The following CLCN6 variants were observed in gnomAD, a reference collection of about 807,000 sequenced individuals.
The protein encoded by CLCN6 is Cl-/H+ antiporter 6, also known as H(+)/Cl(-) exchange transporter 6.
CLCN6 carries 70 observed loss-of-function variants against 109.8 expected under a neutral mutation model. That is an observed-to-expected ratio of 0.64 (90% CI 0.53 to 0.78). The LOEUF is 0.78. Among genes scored for constraint, CLCN6 ranks in the 30% least tolerant of loss-of-function variants. The pLI is 0.00. For synonymous variants in CLCN6, 444 were observed against 447.8 expected (o/e 0.99, Z 0.11); for missense variants, 984 against 1,142.3 (o/e 0.86, Z 2.00).
chr1:11,834,049 T>C lies in CLCN6; in HGVS notation c.1526+19T>C, dbSNP rs1269202650. 1.2e-6 allele frequency: 2 copies of C among 1,612,538 alleles called. No individual in the cohort carries two copies. The highest frequency in any genetic ancestry group is 2.2e-5 in the South Asian group (2 of 90,950). Reference sequence around the variant, plus strand: ...TAAAAAGGTACTCTGTGTGTGTGCGTGTGTGTGCGCATGTGCATGTGTGTG... The same window carrying C: ...TAAAAAGGTACTCTGTGTGTGTGCGCGTGTGTGCGCATGTGCATGTGTGTG... On this transcript the variant is annotated intron_variant, in intron 15 of 22. Coordinates refer to ENST00000346436, the MANE Select transcript of CLCN6 (RefSeq NM_001286.5). This position sits in a 1 kb window ranked among gnomAD's most constrained non-coding sequence, Gnocchi z 4.5.
intron 22 of CLCN6, 137 bp downstream of exon 22, chr1:11,838,797 A>C: frequency 1.5e-6 from 2 of 1,304,498 alleles, no homozygotes; most frequent in South Asian, 2.4e-5. Context: ...CTAGCTTTGA[A>C]CCCTGCTCGG....
chr1:11,808,199 T>C (rs1314481220), intron 2 of CLCN6, among the ~76,000 whole-genome samples: 2 of 150,542 alleles, frequency 1.3e-5, no homozygotes, highest in Admixed American at 6.8e-5. Flanking sequence ...TCTCATATTA[T>C]TATTTTTTAT....
Position 11,834,712 on chromosome 1 carries a change from C to A in CLCN6, c.1793+122C>A. 1.2e-6 allele frequency: 1 copy of A among 846,100 alleles called. No individual in the cohort carries two copies. Among genetic ancestry groups the A allele is most frequent in the Non-Finnish European group, 1.9e-6 (1 of 527,630 alleles). 52.4% of individuals were successfully genotyped at this position (846,100 alleles called of 1,614,324 possible). A position where few individuals can be genotyped will look rare whatever the true frequency, so the allele number is the denominator to read the frequency against. On this transcript the variant is annotated intron_variant, in intron 17 of 22. Transcript: ENST00000346436. The surrounding 1 kb of genome is among the most constrained non-coding windows in gnomAD (Gnocchi z 4.5). The stretch of plus-strand genomic sequence containing the variant: ...TTCTTGGGCTGAAAGAAGCAACACA[C>A]CCATTCCTGAGCATGTGTGAGAATG...
intron 20 of CLCN6, among the ~76,000 whole-genome samples, chr1:11,837,716 G>A (rs1644968678): frequency 6.6e-6 from 1 of 152,140 alleles, no homozygotes; most frequent in Non-Finnish European, 1.5e-5. Flanking sequence ...AAATCCGGGT[G>A]TCACCAGGGC....
chr1:11,823,663 C>T (rs776828001), intron 6 of CLCN6, 44 bp from the exon 7 acceptor site: 1 of 1,613,584 alleles, frequency 6.2e-7, no homozygotes. Flanking sequence ...AGCCAGAGAA[C>T]CAATGGATTT....
intron 7 of CLCN6, 43 bp from the exon 8 acceptor site, chr1:11,824,443 T>A: frequency 1.3e-6 from 2 of 1,561,428 alleles, no homozygotes; most frequent in African/African-American, 2.7e-5. Context: ...CCCAGGGGCG[T>A]TTCTGCACTG....
intron 2 of CLCN6, among the ~76,000 whole-genome samples, chr1:11,810,170 G>A (rs868224787): frequency 1.3e-5 from 2 of 152,112 alleles, no homozygotes; most frequent in South Asian, 2.1e-4. Context: ...TTTCTAAAAA[G>A]TGCCCCTTCT....
intron 18 of CLCN6, 127 bp downstream of exon 18, chr1:11,836,280 T>C: frequency 1.3e-6 from 1 of 792,688 alleles, no homozygotes; most frequent in Non-Finnish European, 2.0e-6. Flanking sequence ...GGCACTGTTC[T>C]CATCACATGC....
At position 11,836,115 on chromosome 1, in the gene CLCN6, A is replaced by AGCTG. The variant is rs778296231; in HGVS notation, c.1942_1943insGCTG (p.Lys648SerfsTer2). 1 of 1,613,556 alleles carries AGCTG rather than the reference A, an allele frequency of 6.2e-7. No homozygotes were observed. Among genetic ancestry groups the AGCTG allele is most frequent in the Admixed American group, 1.7e-5 (1 of 59,762 alleles). ...CCGCGGTAACGAGAAGGAGTTCATG[A>AGCTG]AGGGCAACCAGCTCATCAGCAACAA... On this transcript the variant is annotated stop_gained and frameshift_variant, in exon 18 of 23. Transcript: ENST00000346436. LOFTEE classifies it high-confidence loss of function.
rs778606640 is a variant in CLCN6, at chr1:11,836,053, C to T, written c.1880C>T (p.Thr627Ile). The T allele has an allele frequency of 1.2e-6, 2 of 1,613,956 alleles. No individual in the cohort carries two copies. The highest frequency in any genetic ancestry group is 1.7e-6 in the Non-Finnish European group (2 of 1,179,980). ...CAGTCTCTGGTGAGCATCCTGCGCA[C>T]CACGGTCCACCATGCCTTCCCGGTG... ...RIQSLVSILR[T>I]TVHHAFPVVT... The change falls in exon 18 of 23, where the codon ACC (threonine) becomes ATC (isoleucine). Residue 627 changes from threonine to isoleucine, a missense_variant. Physicochemically the swap from Thr to Ile is moderately conservative, Grantham distance 89 (BLOSUM62 -1). Coordinates refer to ENST00000346436, the MANE Select transcript of CLCN6 (RefSeq NM_001286.5).
rs368032077 is a variant in CLCN6, at chr1:11,819,582, G to T, written c.346+28G>T. On this transcript the variant is annotated intron_variant, in intron 5 of 22. Coordinates refer to ENST00000346436, the MANE Select transcript of CLCN6 (RefSeq NM_001286.5). The stretch of plus-strand genomic sequence containing the variant: ...ATCCTTTTCACGGTTCCTGGTGTTC[G>T]TGGACTTCAGTGGTCACCAAGATTC... The T allele has an allele frequency of 4.7e-4, 752 of 1,583,598 alleles. 1 individual carries two copies. The highest frequency in any genetic ancestry group is 6.2e-4 in the Non-Finnish European group (713 of 1,152,206).
At chr1:11,821,905 G>A (rs1644748755) in intron 5 of CLCN6, among the ~76,000 whole-genome samples, 1 of 152,004 alleles carries the variant, frequency 6.6e-6, no homozygotes, top group African/African-American at 2.4e-5. Context: ...GAAAGTGAAC[G>A]AACCACAGAG....
Position 11,824,385 on chromosome 1 carries a change from C to T in CLCN6, c.581-101C>T, listed in dbSNP as rs1042017931. On this transcript the variant is annotated intron_variant, in intron 7 of 22. Transcript: ENST00000346436. ...TTCTCTTATAAAGTCTTAGGATCAT[C>T]TCTGTTCAGTTGTCACGAGGAAGGT... 7.6e-5 allele frequency: 64 copies of T among 841,138 alleles called. No individual in the cohort carries two copies. The African/African-American group carries it at 9.8e-4, about 13-fold the overall frequency. 52.1% of individuals were successfully genotyped at this position (841,138 alleles called of 1,614,324 possible).
At chr1:11,824,356 C>T (rs1430149027) in intron 7 of CLCN6, 130 bp from the exon 8 acceptor site, 3 of 600,526 alleles carry the variant, frequency 5.0e-6, no homozygotes, top group Non-Finnish European at 5.7e-6. Flanking sequence ...GGGAATTTGG[C>T]TCTTTCTCTT....
At position 11,828,149 on chromosome 1, in the gene CLCN6, G is replaced by A. The variant is rs768983318; in HGVS notation, c.884G>A (p.Arg295His). The A allele has an allele frequency of 2.8e-5, 45 of 1,614,010 alleles. 1 individual carries two copies. Among genetic ancestry groups the A allele is most frequent in the Admixed American group, 1.8e-4 (11 of 59,994 alleles). The change falls in exon 11 of 23, where the codon CGT (arginine) becomes CAT (histidine). Residue 295 changes from arginine to histidine, a missense_variant. Arg to His is a conservative substitution (Grantham distance 29, BLOSUM62 0). Transcript: ENST00000346436. ...GCCACCTTCACCCTCAACTTCTTCC[G>A]TTCTGGGATTCAGTTTGGAAGCTGG... ...MSATFTLNFF[R>H]SGIQFGSWGS...
chr1:11,825,951 C>T (rs1644805615), intron 8 of CLCN6, among the ~76,000 whole-genome samples: 1 of 152,196 alleles, frequency 6.6e-6, no homozygotes, highest in South Asian at 2.1e-4. Context: ...TCCCAAGTTG[C>T]TGTTCTGGAC....
intron 2 of CLCN6, among the ~76,000 whole-genome samples, chr1:11,810,018 T>TA (rs1644577958): frequency 1.3e-5 from 2 of 152,196 alleles, no homozygotes; most frequent in African/African-American, 2.4e-5. Flanking sequence ...AAACACGTGT[T>TA]AAAAGCATGT....
intron 2 of CLCN6, among the ~76,000 whole-genome samples, chr1:11,809,173 C>T (rs4846054): frequency 0.58 from 87,969 of 151,924 alleles, 26,086 homozygotes; most frequent in East Asian, 0.77. Context: ...TCTTCTGTTT[C>T]GTAAGTATTT....
chr1:11,814,974 A>G (rs142218582), intron 2 of CLCN6, among the ~76,000 whole-genome samples: 14,959 of 150,910 alleles, frequency 0.099, 800 homozygotes, highest in South Asian at 0.16. Context: ...CGGAGCTTGC[A>G]GTGAGCTGAG....
Sources: gnomAD v4.1 joint callset for allele counts (sites outside exome capture counted in the v4.1 genomes callset) on GRCh38, gnomAD v4.1.1 for gene constraint, Gnocchi (gnomAD v3.1) non-coding constraint, MANE v1.5 for transcripts, NCBI Gene and HGNC (gene_info 2026-07-23, HGNC 2026-07-21) for gene names.